Variants in CAB39 observed in about 807,000 individuals in gnomAD.
CAB39 encodes calcium-binding protein 39.
A neutral mutation model predicts 40.0 loss-of-function variants in CAB39; 8 were observed. The ratio of observed to expected loss-of-function variants is 0.20; its 90% CI spans 0.12 to 0.36. The LOEUF is 0.36. CAB39 is among the 10% of genes least tolerant of loss of function. The probability of loss-of-function intolerance (pLI) is 1.00; values close to 1 mark genes in which losing one functional copy is unlikely to be tolerated. For missense variants in CAB39, 270 were observed against 401.1 expected (o/e 0.67, Z 2.79); for synonymous variants, 156 against 141.6 (o/e 1.10, Z -0.72).
intron 1 of CAB39, among the ~76,000 whole-genome samples, chr2:230,715,951 C>T (rs1395787066): frequency 6.6e-6 from 1 of 152,212 alleles, no homozygotes; most frequent in Non-Finnish European, 1.5e-5. Flanking sequence ...CTCGCCTTGT[C>T]CTCCCAAAGT....
chr2:230,766,983 T>C (rs898373300), intron 2 of CAB39, among the ~76,000 whole-genome samples: 2 of 152,214 alleles, frequency 1.3e-5, no homozygotes, highest in African/African-American at 4.8e-5. Context: ...CATCAGGAAG[T>C]ACGCTGAACC....
intron 2 of CAB39, among the ~76,000 whole-genome samples, chr2:230,767,436 G>A (rs1457663694): frequency 3.9e-5 from 6 of 152,058 alleles, no homozygotes; most frequent in Non-Finnish European, 5.9e-5. Context: ...TGCTTCACTG[G>A]TCTCCCTTGG....
intron 2 of CAB39, among the ~76,000 whole-genome samples, chr2:230,774,149 A>ATT (rs1236228748): frequency 6.6e-6 from 1 of 152,238 alleles, no homozygotes; most frequent in Non-Finnish European, 1.5e-5. Context: ...CGGAATTCAC[A>ATT]CCTAGCTCTG....
At chr2:230,719,638 C>T (rs1694410844) in intron 1 of CAB39, among the ~76,000 whole-genome samples, 1 of 152,202 alleles carries the variant, frequency 6.6e-6, no homozygotes, top group Admixed American at 6.5e-5. Flanking sequence ...GTGGGAAACA[C>T]AGAAGCCTGG....
At chr2:230,791,088 T>C in intron 3 of CAB39, 52 bp downstream of exon 3, 1 of 1,274,458 alleles carries the variant, frequency 7.8e-7, no homozygotes, top group Non-Finnish European at 1.1e-6. Flanking sequence ...GCATAATTCT[T>C]TTCCATACGT....
intron 1 of CAB39, among the ~76,000 whole-genome samples, chr2:230,755,064 C>CAT (rs774494244): frequency 6.6e-6 from 1 of 151,558 alleles, no homozygotes; most frequent in African/African-American, 2.4e-5. Flanking sequence ...TACATACATA[C>CAT]ACACACACAC....
At position 230,768,286 on chromosome 2, in the gene CAB39, C is replaced by G. The variant is rs16827553; in HGVS notation, c.114+8171C>G. Among the ~76,000 whole-genome samples the G allele has an allele frequency of 4.0e-3, 611 of 152,292 alleles. 2 individuals carry two copies. Among genetic ancestry groups the G allele is most frequent in the African/African-American group, 0.011 (443 of 41,558 alleles). ...CTCTGGATTCTGTGATGGTGGCCAA[C>G]TACTGTATTATATTTCTTTTCAGTG... On this transcript the variant is annotated intron_variant, in intron 2 of 8. Coordinates refer to ENST00000258418, the MANE Select transcript of CAB39 (RefSeq NM_016289.4).
At position 230,784,785 on chromosome 2, in the gene CAB39, CT is replaced by C. The variant is rs564263213; in HGVS notation, c.115-6084del. Among the ~76,000 whole-genome samples the C allele has an allele frequency of 1.4e-4, 21 of 152,280 alleles. No homozygotes were observed. The South Asian group carries it at 4.4e-3, about 32-fold the overall frequency. The stretch of plus-strand genomic sequence containing the variant: ...TGATCTCTCAGCAGAGAGAGCTTTA[CT>C]TTCTGCAGAAAGGGTGCTACTCAAT... On this transcript the variant is annotated intron_variant, in intron 2 of 8. Coordinates refer to ENST00000258418, the MANE Select transcript of CAB39 (RefSeq NM_016289.4).
chr2:230,726,264 G>T (rs1047870261), intron 1 of CAB39, among the ~76,000 whole-genome samples: 1 of 151,968 alleles, frequency 6.6e-6, no homozygotes, highest in Non-Finnish European at 1.5e-5. Flanking sequence ...CTGGATTCAA[G>T]CAATTCTCGT....
At chr2:230,753,262 A>T (rs1376842498) in intron 1 of CAB39, among the ~76,000 whole-genome samples, 2 of 152,150 alleles carry the variant, frequency 1.3e-5, no homozygotes, top group African/African-American at 2.4e-5. Context: ...TTTATATGAA[A>T]GTAATATGTT....
intron 1 of CAB39, among the ~76,000 whole-genome samples, chr2:230,722,022 G>T (rs1440370677): frequency 6.7e-6 from 1 of 149,976 alleles, no homozygotes; most frequent in Non-Finnish European, 1.5e-5. Context: ...ATTCAACTAA[G>T]ATTGTAGTGG....
At chr2:230,798,498 T>A (rs1343129945) in intron 4 of CAB39, among the ~76,000 whole-genome samples, 1 of 152,252 alleles carries the variant, frequency 6.6e-6, no homozygotes, top group Non-Finnish European at 1.5e-5. Context: ...TGGCTATTTT[T>A]CTTTGGTTTA....
At chr2:230,724,193 G>A (rs182920733) in intron 1 of CAB39, among the ~76,000 whole-genome samples, 16 of 151,276 alleles carry the variant, frequency 1.1e-4, no homozygotes, top group African/African-American at 2.7e-4. Context: ...GTTGCAGCGC[G>A]CCGAGATTGC....
At chr2:230,765,295 A>G (rs919012237) in intron 2 of CAB39, among the ~76,000 whole-genome samples, 1 of 152,128 alleles carries the variant, frequency 6.6e-6, no homozygotes, top group African/African-American at 2.4e-5. Context: ...GAAGACTGCA[A>G]TAACTGCTAT....
intron 1 of CAB39, among the ~76,000 whole-genome samples, chr2:230,744,473 T>C (rs1400697729): frequency 6.6e-6 from 1 of 152,074 alleles, no homozygotes; most frequent in African/African-American, 2.4e-5. Flanking sequence ...TTTGTATTTT[T>C]AGTAAAGACG....
At chr2:230,801,538 C>G (rs1306738725) in intron 5 of CAB39, among the ~76,000 whole-genome samples, 1 of 152,150 alleles carries the variant, frequency 6.6e-6, no homozygotes, top group Non-Finnish European at 1.5e-5. Context: ...TGTGGCTCAT[C>G]CATAGCCCTG....
intron 3 of CAB39, 126 bp downstream of exon 3, chr2:230,791,162 C>G: frequency 1.4e-6 from 1 of 709,732 alleles, no homozygotes; most frequent in South Asian, 2.4e-5. Flanking sequence ...TGACCTCTGT[C>G]AGCATGCCTG....
chr2:230,727,549 G>A (rs1248034186), intron 1 of CAB39, among the ~76,000 whole-genome samples: 1 of 151,624 alleles, frequency 6.6e-6, no homozygotes, highest in African/African-American at 2.4e-5. Flanking sequence ...TGAGTGGCTG[G>A]GACTACAGGT....
intron 1 of CAB39, among the ~76,000 whole-genome samples, chr2:230,716,542 C>T (rs1433127036): frequency 9.2e-5 from 14 of 152,120 alleles, no homozygotes. Flanking sequence ...GTTTCTATTC[C>T]AGCTCTATTT....
Sources: allele counts gnomAD v4.1 joint callset (sites outside exome capture counted in the v4.1 genomes callset), GRCh38; gene constraint gnomAD v4.1.1; transcripts MANE v1.5; gene names NCBI Gene and HGNC (gene_info 2026-07-23, HGNC 2026-07-21).